RFX7: variants seen among roughly 807,000 people sequenced by gnomAD.
RFX7 encodes the protein regulatory factor X7, also known as DNA-binding protein RFX7.
A neutral mutation model predicts 111.8 loss-of-function variants in RFX7; 26 were observed. The observed-to-expected ratio is 0.23, with a 90% CI of 0.17 to 0.32. RFX7 has a LOEUF of 0.32. RFX7 is among the 10% of genes least tolerant of loss of function. The probability of loss-of-function intolerance (pLI) is 1.00; values close to 1 mark genes in which losing one functional copy is unlikely to be tolerated. For synonymous variants in RFX7, 624 were observed against 624.4 expected (o/e 1.00, Z 0.01); for missense variants, 1,573 against 1,772.9 (o/e 0.89, Z 2.02).
intron 2 of RFX7, among the ~76,000 whole-genome samples, chr15:56,220,196 C>T (rs887111631): frequency 2.4e-4 from 37 of 152,214 alleles, no homozygotes; most frequent in Non-Finnish European, 2.9e-5. Context: ...AGCATCTGTT[C>T]ATATCCCACT....
Position 56,102,185 on chromosome 15 carries a change from T to G in RFX7, c.587A>C (p.His196Pro), listed in dbSNP as rs781547733. The G allele has an allele frequency of 6.2e-7, 1 of 1,611,838 alleles. No homozygotes were observed. The highest frequency in any genetic ancestry group is 8.5e-7 in the Non-Finnish European group (1 of 1,178,704). The change falls in exon 7 of 10, where the codon CAC becomes CCC. Residue 196 changes from histidine to proline, a missense_variant. Transcript: ENST00000559447. Reference protein sequence around the residue: ...HMPTLPNLDFHKTGDGLEGAE... With the variant: ...HMPTLPNLDFPKTGDGLEGAE... Reference sequence around the variant, plus strand: ...AATTCTTACCCCATCTCCAGTTTTGTGAAAGTCAAGGTTGGGCAGTGTTGG... The same window carrying G: ...AATTCTTACCCCATCTCCAGTTTTGGGAAAGTCAAGGTTGGGCAGTGTTGG...
intron 3 of RFX7, among the ~76,000 whole-genome samples, chr15:56,144,967 CT>C (rs1595963312): frequency 6.6e-6 from 1 of 152,156 alleles, no homozygotes; most frequent in East Asian, 1.9e-4. Flanking sequence ...CAACATGTGA[CT>C]GATGGTGCTA....
intron 3 of RFX7, among the ~76,000 whole-genome samples, chr15:56,161,519 C>G (rs2042719874): frequency 6.6e-6 from 1 of 151,972 alleles, no homozygotes; most frequent in Non-Finnish European, 1.5e-5. Context: ...TGAATGTGCT[C>G]TAAAATATAT....
intron 2 of RFX7, among the ~76,000 whole-genome samples, chr15:56,200,569 G>A (rs2043184316): frequency 6.6e-6 from 1 of 152,096 alleles, no homozygotes; most frequent in Admixed American, 6.6e-5. Context: ...GGGAGGCCGA[G>A]GTGGGCGGAT....
intron 5 of RFX7, among the ~76,000 whole-genome samples, chr15:56,137,806 T>G (rs1309550151): frequency 6.6e-6 from 1 of 152,116 alleles, no homozygotes; most frequent in Non-Finnish European, 1.5e-5. Context: ...GAGATTCTGG[T>G]ATGTTGTGTC....
In RFX7 at chr15:56,234,475, T is replaced by C. The variant is rs762883406; in HGVS notation, c.161+8650A>G. ...GGCTCCTGCTTCAGAAAAAAGGACA[T>C]GCATTTAATAATATGACAGTTAAAT... On this transcript the variant is annotated intron_variant, in intron 2 of 9. Transcript: ENST00000559447. Among the ~76,000 whole-genome samples the C allele has an allele frequency of 2.0e-5, 3 of 152,204 alleles. No homozygotes were observed. In the East Asian group the frequency reaches 5.8e-4, roughly 29 times the overall value.
intron 2 of RFX7, among the ~76,000 whole-genome samples, chr15:56,193,537 T>C (rs528919196): frequency 6.6e-6 from 1 of 152,296 alleles, no homozygotes; most frequent in Admixed American, 6.5e-5. Flanking sequence ...AAATTTTAAT[T>C]AAATAGTATC....
chr15:56,087,420 C>T lies in RFX7; in HGVS notation c.*5925G>A, dbSNP rs543191149. The T allele has an allele frequency of 1.6e-4, 73 of 456,692 alleles. No homozygotes were observed. The highest frequency in any genetic ancestry group is 1.3e-3 in the African/African-American group (63 of 50,192). 28.3% of individuals were successfully genotyped at this position (456,692 alleles called of 1,614,324 possible). A position where few individuals can be genotyped will look rare whatever the true frequency, so the allele number is the denominator to read the frequency against. ...TATCTTGTTGCTCAATCATCCTCAG[C>T]ATGTGTCTTTAACATGAAGTCCAGG... On this transcript the variant is annotated 3_prime_UTR_variant, in exon 10 of 10. Transcript: ENST00000559447.
intron 3 of RFX7, among the ~76,000 whole-genome samples, chr15:56,176,337 C>A (rs2042902443): frequency 6.6e-6 from 1 of 152,014 alleles, no homozygotes; most frequent in African/African-American, 2.4e-5. Context: ...CCAAGTAGGA[C>A]AAACATGAAG....
intron 2 of RFX7, among the ~76,000 whole-genome samples, chr15:56,186,038 A>G (rs2043034633): frequency 6.6e-6 from 1 of 152,198 alleles, no homozygotes; most frequent in African/African-American, 2.4e-5. Context: ...TTATTGATTT[A>G]GAGTCCTTGT....
intron 5 of RFX7, among the ~76,000 whole-genome samples, chr15:56,114,857 A>T (rs564817611): frequency 1.8e-4 from 28 of 152,110 alleles, no homozygotes; most frequent in African/African-American, 6.5e-4. Context: ...AATTGCTAAT[A>T]AAAAAAATCC....
intron 3 of RFX7, among the ~76,000 whole-genome samples, chr15:56,170,431 G>T (rs2042833546): frequency 6.6e-6 from 1 of 152,080 alleles, no homozygotes; most frequent in Non-Finnish European, 1.5e-5. Context: ...AGTCTGTTAT[G>T]GGGGCGGGGG....
intron 5 of RFX7, among the ~76,000 whole-genome samples, chr15:56,134,095 A>C (rs1396161331): frequency 6.6e-6 from 1 of 152,210 alleles, no homozygotes; most frequent in African/African-American, 2.4e-5. Flanking sequence ...GTTTGATATT[A>C]CTCAACTTTA....
intron 2 of RFX7, among the ~76,000 whole-genome samples, chr15:56,212,400 G>A (rs8030605): frequency 0.13 from 19,826 of 152,094 alleles, 1,692 homozygotes; most frequent in East Asian, 0.44. Flanking sequence ...AGGGTAGTAA[G>A]CCTACTCTTT....
intron 3 of RFX7, among the ~76,000 whole-genome samples, chr15:56,176,677 TAGA>T (rs1310389633): frequency 6.6e-6 from 1 of 152,112 alleles, no homozygotes; most frequent in African/African-American, 2.4e-5. Flanking sequence ...TAATAAATAC[TAGA>T]AGAACTGCTT....
chr15:56,184,821 A>G (rs1403727805), intron 2 of RFX7, among the ~76,000 whole-genome samples: 2 of 152,106 alleles, frequency 1.3e-5, no homozygotes, highest in Admixed American at 6.5e-5. Context: ...ACTGGCATTT[A>G]TCTGTTTGTC....
chr15:56,193,805 TCAAA>T (rs1567042648), intron 2 of RFX7, among the ~76,000 whole-genome samples: 1 of 152,156 alleles, frequency 6.6e-6, no homozygotes. Flanking sequence ...TTTCTCTAAA[TCAAA>T]CTATAGGGTG....
intron 5 of RFX7, among the ~76,000 whole-genome samples, chr15:56,109,822 C>T (rs1265035716): frequency 6.6e-6 from 1 of 151,812 alleles, no homozygotes; most frequent in African/African-American, 2.4e-5. Flanking sequence ...GCCGCCCTGT[C>T]TGAGAAGTGA....
At chr15:56,164,705 C>T (rs780970061) in intron 3 of RFX7, among the ~76,000 whole-genome samples, 48 of 152,152 alleles carry the variant, frequency 3.2e-4, no homozygotes, top group Non-Finnish European at 6.6e-4. Flanking sequence ...GTACCTCTGC[C>T]GCGATTTTTT....
Sources: gnomAD v4.1 joint callset for allele counts (sites outside exome capture counted in the v4.1 genomes callset) on GRCh38, gnomAD v4.1.1 for gene constraint, MANE v1.5 for transcripts, NCBI Gene and HGNC (gene_info 2026-07-23, HGNC 2026-07-21) for gene names.